The following AUTS2 variants were observed in gnomAD, a reference collection of about 807,000 sequenced individuals.
AUTS2 encodes autism susceptibility gene 2 protein.
Under a neutral mutation model 112.4 loss-of-function variants are expected in AUTS2, and 17 were observed. The ratio of observed to expected loss-of-function variants is 0.15; its 90% CI spans 0.10 to 0.23. AUTS2 has a LOEUF of 0.23. Ranked by LOEUF, AUTS2 falls within the 10% of genes least tolerant of loss-of-function variation. The pLI is 1.00. For synonymous variants in AUTS2, 751 were observed against 702.7 expected (o/e 1.07, Z -1.09); for missense variants, 1,510 against 1,701.6 (o/e 0.89, Z 1.98).
chr7:69,968,352 G>A (rs1265716144), intron 2 of AUTS2, among the ~76,000 whole-genome samples: 1 of 152,090 alleles, frequency 6.6e-6, no homozygotes, highest in Admixed American at 6.5e-5. Flanking sequence ...ATGAATTTTG[G>A]TTGTACCTAA....
At chr7:70,309,702 A>T (rs1789649799) in intron 4 of AUTS2, among the ~76,000 whole-genome samples, 1 of 152,166 alleles carries the variant, frequency 6.6e-6, no homozygotes, top group African/African-American at 2.4e-5. Flanking sequence ...TGTAGTCTTT[A>T]AAAAAAGAGA....
chr7:70,760,861 G>A (rs150166182), intron 6 of AUTS2, among the ~76,000 whole-genome samples: 3 of 152,236 alleles, frequency 2.0e-5, no homozygotes, highest in Non-Finnish European at 1.5e-5. Context: ...TTTCATCAGC[G>A]CTTTGCCAAG....
At chr7:69,842,319 G>A (rs1394614632) in intron 1 of AUTS2, among the ~76,000 whole-genome samples, 1 of 152,186 alleles carries the variant, frequency 6.6e-6, no homozygotes, top group Non-Finnish European at 1.5e-5. Context: ...TAAGGAACAT[G>A]TGACCAGATA....
chr7:70,245,170 A>ATATATATATATATAT (rs57817453), intron 4 of AUTS2, among the ~76,000 whole-genome samples: 7 of 133,796 alleles, frequency 5.2e-5, no homozygotes, highest in South Asian at 4.7e-4. Context: ...ATATATATAT[A>ATATATATATATATAT]AAAAATAAAA....
At chr7:69,693,922 G>C (rs1584084934) in intron 1 of AUTS2, among the ~76,000 whole-genome samples, 1 of 152,162 alleles carries the variant, frequency 6.6e-6, no homozygotes, top group Admixed American at 6.5e-5. Flanking sequence ...ACGCTGTGTA[G>C]GGTGATTCTA....
intron 4 of AUTS2, among the ~76,000 whole-genome samples, chr7:70,257,955 G>A (rs1027200367): frequency 5.9e-5 from 9 of 152,186 alleles, no homozygotes; most frequent in African/African-American, 2.2e-4. Context: ...TCCAACTCCT[G>A]GCCGACATGA....
At chr7:70,642,302 G>A (rs1245212324) in intron 5 of AUTS2, among the ~76,000 whole-genome samples, 4 of 152,192 alleles carry the variant, frequency 2.6e-5, no homozygotes, top group Non-Finnish European at 5.9e-5. Flanking sequence ...TTGATGTTAA[G>A]AGATCTTTAC....
chr7:69,688,219 C>T (rs773246687), intron 1 of AUTS2, among the ~76,000 whole-genome samples: 19 of 152,174 alleles, frequency 1.2e-4, no homozygotes, highest in Non-Finnish European at 2.4e-4. Context: ...TTGGTGGATT[C>T]CCTTCAGTGC....
At position 69,772,778 on chromosome 7, in the gene AUTS2, T is replaced by G. The variant is rs558949083; in HGVS notation, c.310-126508T>G. On this transcript the variant is annotated intron_variant, in intron 1 of 18. Coordinates refer to ENST00000342771, the MANE Select transcript of AUTS2 (RefSeq NM_015570.4). ...TGGAAATAACTTTGAAAGTATAGACTTGTATCAGATTATGAGGAGCCAGAC... is the reference window on the plus strand; with the variant it reads ...TGGAAATAACTTTGAAAGTATAGACGTGTATCAGATTATGAGGAGCCAGAC... 8.5e-5 allele frequency among the ~76,000 whole-genome samples: 13 copies of G among 152,290 alleles called. No individual in the cohort carries two copies. In the East Asian group the frequency reaches 2.5e-3, roughly 29 times the overall value.
chr7:70,116,425 C>G (rs1382152074), intron 2 of AUTS2, among the ~76,000 whole-genome samples: 1 of 152,140 alleles, frequency 6.6e-6, no homozygotes, highest in Non-Finnish European at 1.5e-5. Context: ...GATTCAGCCT[C>G]ACTCTATTCA....
At chr7:70,275,241 A>G (rs1787874678) in intron 4 of AUTS2, among the ~76,000 whole-genome samples, 1 of 152,210 alleles carries the variant, frequency 6.6e-6, no homozygotes, top group South Asian at 2.1e-4. Context: ...TAATTCTGAC[A>G]GTCTGCAATA....
chr7:70,114,280 T>C (rs1032802757), intron 2 of AUTS2, among the ~76,000 whole-genome samples: 1 of 152,212 alleles, frequency 6.6e-6, no homozygotes, highest in Admixed American at 6.5e-5. Flanking sequence ...GTATCAGTTA[T>C]AGGAAAAGCT....
At chr7:70,706,119 T>G (rs1009713428) in intron 6 of AUTS2, among the ~76,000 whole-genome samples, 12 of 152,360 alleles carry the variant, frequency 7.9e-5, no homozygotes, top group Admixed American at 1.3e-4. Flanking sequence ...TCTGTGAGTC[T>G]GCTTTGTCAA....
At chr7:70,211,122 G>A (rs1253316173) in intron 4 of AUTS2, among the ~76,000 whole-genome samples, 1 of 152,144 alleles carries the variant, frequency 6.6e-6, no homozygotes, top group East Asian at 1.9e-4. Context: ...TGCTTCATGT[G>A]AGATGGCAGT....
intron 4 of AUTS2, among the ~76,000 whole-genome samples, chr7:70,192,867 C>G (rs1450786407): frequency 6.6e-6 from 1 of 152,072 alleles, no homozygotes; most frequent in Non-Finnish European, 1.5e-5. Flanking sequence ...CGGGGGGAGT[C>G]AAAATGATAA....
chr7:70,497,839 C>T (rs777573543), intron 5 of AUTS2, among the ~76,000 whole-genome samples: 16 of 152,252 alleles, frequency 1.1e-4, no homozygotes, highest in Admixed American at 7.8e-4. Context: ...GTCTCAGACA[C>T]GCAGAGACCA....
chr7:69,872,834 CTT>C (rs1164356683), intron 1 of AUTS2, among the ~76,000 whole-genome samples: 16 of 70,400 alleles, frequency 2.3e-4, no homozygotes, highest in African/African-American at 8.1e-4. Flanking sequence ...AGCCTATATT[CTT>C]TTTTTTTTTT....
At chr7:70,666,897 C>A (rs1041662784) in intron 5 of AUTS2, among the ~76,000 whole-genome samples, 28 of 151,500 alleles carry the variant, frequency 1.8e-4, no homozygotes, top group African/African-American at 6.8e-4. Context: ...GAGCATCACT[C>A]CCAGCAACCT....
rs1801768789 is a variant in AUTS2, at chr7:70,051,809, G to T, written c.523-66323G>T. Among the ~76,000 whole-genome samples the T allele has an allele frequency of 3.3e-5, 5 of 152,170 alleles. No individual in the cohort carries two copies. The South Asian group carries it at 1.0e-3, about 32-fold the overall frequency. The stretch of plus-strand genomic sequence containing the variant: ...TTTAAGTGTGGTTTATGATGTTTAT[G>T]GAGTAGTTTAATACTACTTTTCTTC... On this transcript the variant is annotated intron_variant, in intron 2 of 18. Transcript: ENST00000342771.
Sources: gnomAD v4.1 joint callset for allele counts (sites outside exome capture counted in the v4.1 genomes callset) on GRCh38, gnomAD v4.1.1 for gene constraint, MANE v1.5 for transcripts, NCBI Gene and HGNC (gene_info 2026-07-23, HGNC 2026-07-21) for gene names.